TRA2A: variants seen among roughly 807,000 people sequenced by gnomAD.
TRA2A encodes transformer 2 alpha homolog, also known as transformer-2 protein homolog alpha.
Under a neutral mutation model 45.7 loss-of-function variants are expected in TRA2A, and 31 were observed. That is an observed-to-expected ratio of 0.68 (90% CI 0.51 to 0.92). TRA2A has a LOEUF of 0.92. TRA2A is among the 40% of genes least tolerant of loss of function. TRA2A has a pLI of 0.00. For missense variants in TRA2A, 304 were observed against 367.5 expected (o/e 0.83, Z 1.41); for synonymous variants, 132 against 126.2 (o/e 1.05, Z -0.31).
At chr7:23,527,792 C>T (rs903048706) in intron 1 of TRA2A, among the ~76,000 whole-genome samples, 4 of 152,118 alleles carry the variant, frequency 2.6e-5, no homozygotes, top group Admixed American at 6.6e-5. Flanking sequence ...ATTAGTTATG[C>T]GCTGTGGGTA....
rs2127989403 is a variant in TRA2A, at chr7:23,505,301, C to T, written c.*258G>A. 2.8e-6 allele frequency: 1 copy of T among 355,964 alleles called. No homozygotes were observed. The allele number at this position is 355,964 out of a possible 1,614,324, so 22.1% of individuals were successfully genotyped here. On this transcript the variant is annotated 3_prime_UTR_variant, in exon 8 of 8. Coordinates refer to ENST00000297071, the MANE Select transcript of TRA2A (RefSeq NM_013293.5). ...AGGTAAAAGCAAAAAAAAAAATTTA[C>T]AAAGCATAACATAACATTGGGGTTC...
intron 4 of TRA2A, among the ~76,000 whole-genome samples, chr7:23,510,927 T>C (rs1789572067): frequency 6.6e-6 from 1 of 152,126 alleles, no homozygotes. Flanking sequence ...TACTAGTTTG[T>C]TAGAGTTATC....
rs529572485 is a variant in TRA2A, at chr7:23,517,587, A to T, written c.171-1059T>A. Among the ~76,000 whole-genome samples, 32 of 141,766 alleles carry T rather than the reference A, an allele frequency of 2.3e-4. No homozygotes were observed. The East Asian group carries it at 3.6e-3, about 16-fold the overall frequency. The allele number at this position is 141,766 out of a possible 152,430, so 93.0% of individuals were successfully genotyped here. ...TAGCAAGACTCCACACTTCTATTTT[A>T]AAAAAAAAAACAGAAACAAAGACAA... is the stretch of plus-strand genomic sequence containing the variant. On this transcript the variant is annotated intron_variant, in intron 2 of 7. Coordinates refer to ENST00000297071, the MANE Select transcript of TRA2A (RefSeq NM_013293.5).
intron 1 of TRA2A, among the ~76,000 whole-genome samples, chr7:23,525,764 G>GT (rs2128000029): frequency 6.6e-6 from 1 of 152,198 alleles, no homozygotes; most frequent in South Asian, 2.1e-4. Context: ...GCTAACTTTT[G>GT]TATTTTATTT....
In TRA2A at chr7:23,521,804, G is replaced by A. The variant is rs1459094846; in HGVS notation, c.73C>T (p.Pro25Ser). The A allele has an allele frequency of 2.5e-6, 4 of 1,614,124 alleles. No homozygotes were observed. The highest frequency in any genetic ancestry group is 3.4e-6 in the Non-Finnish European group (4 of 1,180,030). Residue 25 changes from proline (P) to serine (S), a missense_variant, in exon 2 of 8, where the codon CCT becomes TCT. Physicochemically the swap from Pro to Ser is moderately conservative, Grantham distance 74 (BLOSUM62 -1). This residue lies in a region of TRA2A where 132 missense variants were observed against 113.4 expected (regional missense o/e 1.16). Coordinates refer to ENST00000297071, the MANE Select transcript of TRA2A (RefSeq NM_013293.5). ...RSQSKSPTGT[P>S]ARVKSESRSG... ...CTGCTCTCCGATTTTACACGAGCAG[G>A]AGTTCCCGTTGGAGATTTTGACTGA...
At chr7:23,523,205 T>C (rs1385900304) in intron 1 of TRA2A, among the ~76,000 whole-genome samples, 1 of 152,218 alleles carries the variant, frequency 6.6e-6, no homozygotes, top group Non-Finnish European at 1.5e-5. Context: ...TTTAGAATTA[T>C]GTTCAGTTTT....
At chr7:23,519,717 T>C (rs1442195224) in intron 2 of TRA2A, among the ~76,000 whole-genome samples, 1 of 152,168 alleles carries the variant, frequency 6.6e-6, no homozygotes, top group Non-Finnish European at 1.5e-5. Flanking sequence ...TTTTGCACGA[T>C]TTTACAAAGT....
chr7:23,530,696 T>C (rs1259017012), intron 1 of TRA2A, among the ~76,000 whole-genome samples: 2 of 152,188 alleles, frequency 1.3e-5, no homozygotes, highest in Non-Finnish European at 2.9e-5. Context: ...ATCGTATTCT[T>C]TGTGATGTTT....
rs146063764 is a variant in TRA2A at position 23,508,995 on chromosome 7, T to C, written c.526-1460A>G. On this transcript the variant is annotated intron_variant, in intron 4 of 7. Transcript: ENST00000297071. ...TATTTGTTTCTGGGACAATTTTTTT[T>C]TCCTATTCTCTCACACACATATATA... is the stretch of plus-strand genomic sequence containing the variant. 5.7e-3 allele frequency among the ~76,000 whole-genome samples: 866 copies of C among 152,154 alleles called. 16 individuals carry two copies. The highest frequency in any genetic ancestry group is 0.02 in the African/African-American group (829 of 41,500).
chr7:23,520,736 G>C (rs989121795), intron 2 of TRA2A, among the ~76,000 whole-genome samples: 1 of 150,024 alleles, frequency 6.7e-6, no homozygotes, highest in African/African-American at 2.5e-5. Context: ...TGTCACCCAG[G>C]GTGGAGTGCA....
intron 4 of TRA2A, 61 bp from the exon 5 acceptor site, chr7:23,507,596 T>A: frequency 1.7e-6 from 2 of 1,176,686 alleles, no homozygotes; most frequent in Non-Finnish European, 2.5e-6. Context: ...AATCATTACT[T>A]AAAATTAAGC....
chr7:23,523,283 A>T (rs1790211189), intron 1 of TRA2A, among the ~76,000 whole-genome samples: 1 of 152,130 alleles, frequency 6.6e-6, no homozygotes, highest in South Asian at 2.1e-4. Context: ...CCAAAAAGTG[A>T]TGGGTTTCTG....
At chr7:23,517,477 C>CAAAAAAAAAAAA (rs70954385) in intron 2 of TRA2A, among the ~76,000 whole-genome samples, 270 of 13,904 alleles carry the variant, frequency 0.019, 37 homozygotes, top group Middle Eastern at 0.071. Flanking sequence ...GACTACGTCT[C>CAAAAAAAAAAAA]AAAAAAAAAA....
At chr7:23,530,607 CT>C (rs1790535282) in intron 1 of TRA2A, among the ~76,000 whole-genome samples, 3 of 152,218 alleles carry the variant, frequency 2.0e-5, no homozygotes, top group Admixed American at 2.0e-4. Context: ...TACTAACTCA[CT>C]TCTACAATTC....
rs1410010784 is a variant in TRA2A at position 23,505,803 on chromosome 7, G to C, written c.781C>G (p.Pro261Ala). The C allele has an allele frequency of 6.5e-7, 1 of 1,545,852 alleles. No homozygotes were observed. The highest frequency in any genetic ancestry group is 1.4e-5 in the African/African-American group (1 of 71,608). Reference protein sequence around the residue: ...DYDYRYRRRSPSPYYSRYRSR... With the variant: ...DYDYRYRRRSASPYYSRYRSR... ...CTATATCGACTATAATAAGGAGAAG[G>C]TGATCGTCTTCTGTAAGAAATGAAA... Residue 261 changes from proline to alanine, a missense_variant, in exon 7 of 8, where the codon CCT becomes GCT. By Grantham distance (27) the Pro-to-Ala change is conservative. Transcript: ENST00000297071.
intron 6 of TRA2A, 148 bp downstream of exon 6, chr7:23,505,988 CAT>C: frequency 1.3e-6 from 1 of 765,732 alleles, no homozygotes; most frequent in Non-Finnish European, 2.1e-6. Flanking sequence ...AAAATACTGA[CAT>C]ATACAGACTG....
At chr7:23,521,300 T>C (rs1790124013) in intron 2 of TRA2A, among the ~76,000 whole-genome samples, 1 of 152,242 alleles carries the variant, frequency 6.6e-6, no homozygotes, top group African/African-American at 2.4e-5. Context: ...AACCGCCTTT[T>C]TGTTGTGCAA....
intron 2 of TRA2A, among the ~76,000 whole-genome samples, chr7:23,518,675 GT>G (rs199848477): frequency 0.15 from 20,294 of 139,770 alleles, 1,471 homozygotes; most frequent in Middle Eastern, 0.18. Context: ...TTCATTTCTT[GT>G]TTTTTTTTTT....
In TRA2A at chr7:23,507,304, TGTTGC is replaced by T. The variant is rs1306395527; in HGVS notation, c.641+111_641+115del. The T allele has an allele frequency of 7.7e-6, 6 of 779,672 alleles. No homozygotes were observed. In the African/African-American group the frequency reaches 1.0e-4, roughly 13 times the overall value. 48.3% of individuals were successfully genotyped at this position (779,672 alleles called of 1,614,324 possible). ...TTTTAGTAGAAGCAGGGTTTTGCCA[TGTTGC>T]CCCTTGCCAGAATCAATTCTAATTA... is the stretch of plus-strand genomic sequence containing the variant. On this transcript the variant is annotated intron_variant, in intron 5 of 7. Coordinates refer to ENST00000297071, the MANE Select transcript of TRA2A (RefSeq NM_013293.5).
Sources: allele counts gnomAD v4.1 joint callset (sites outside exome capture counted in the v4.1 genomes callset), GRCh38; gene constraint gnomAD v4.1.1; regional missense constraint gnomAD v4.1.1; transcripts MANE v1.5; gene names NCBI Gene and HGNC (gene_info 2026-07-23, HGNC 2026-07-21).